SGCZ: variants seen among roughly 807,000 people sequenced by gnomAD.
The protein encoded by SGCZ is zeta-sarcoglycan.
Under a neutral mutation model 41.3 loss-of-function variants are expected in SGCZ, and 40 were observed. The observed-to-expected ratio is 0.97, with a 90% confidence interval of 0.75 to 1.26. The LOEUF (loss-of-function observed/expected upper bound fraction) is 1.26. Ranked by LOEUF, SGCZ falls within the 50% of genes most tolerant of loss-of-function variation. SGCZ has a pLI of 0.00. For synonymous variants in SGCZ, 206 were observed against 137.5 expected, an observed-to-expected ratio of 1.50 and a Z score of -3.49; for missense variants, 552 against 369.8, an observed-to-expected ratio of 1.49 and a Z score of -4.04.
chr8:15,040,170 A>G (rs1233983220), intron 1 of SGCZ, among the ~76,000 whole-genome samples: 1 of 152,218 alleles, frequency 6.6e-6, no homozygotes, highest in Non-Finnish European at 1.5e-5. Context: ...TACTCAACAA[A>G]TGTTTAAATA....
chr8:14,477,682 A>C (rs181430546), intron 2 of SGCZ, among the ~76,000 whole-genome samples: 162 of 152,222 alleles, frequency 1.1e-3, no homozygotes, highest in African/African-American at 3.8e-3. Context: ...TCTAAACATA[A>C]ATTTTTTGAA....
At chr8:14,897,809 A>T (rs752424454) in intron 1 of SGCZ, among the ~76,000 whole-genome samples, 28 of 152,190 alleles carry the variant, frequency 1.8e-4, no homozygotes, top group Admixed American at 3.3e-4. Context: ...ACAAACATCA[A>T]CTGTGAAGTC....
chr8:14,618,146 T>G (rs1806166593), intron 1 of SGCZ, among the ~76,000 whole-genome samples: 1 of 152,120 alleles, frequency 6.6e-6, no homozygotes, highest in Non-Finnish European at 1.5e-5. Flanking sequence ...TTAGAAAAAC[T>G]TGACAATAAA....
chr8:15,025,926 T>C (rs1301754785), intron 1 of SGCZ, among the ~76,000 whole-genome samples: 1 of 152,200 alleles, frequency 6.6e-6, no homozygotes, highest in Non-Finnish European at 1.5e-5. Context: ...GTAGCATATA[T>C]AAACTTTACC....
At chr8:14,693,267 C>A (rs2117576254) in intron 1 of SGCZ, among the ~76,000 whole-genome samples, 1 of 149,906 alleles carries the variant, frequency 6.7e-6, no homozygotes. Context: ...ATTTTACTTT[C>A]ATTTCAAAAA....
At chr8:14,143,003 A>C (rs1803416848) in intron 5 of SGCZ, among the ~76,000 whole-genome samples, 1 of 151,874 alleles carries the variant, frequency 6.6e-6, no homozygotes, top group African/African-American at 2.4e-5. Context: ...ATAAATTAAA[A>C]AAAAAAAAAG....
At chr8:14,860,801 G>T (rs1803721976) in intron 1 of SGCZ, among the ~76,000 whole-genome samples, 1 of 152,096 alleles carries the variant, frequency 6.6e-6, no homozygotes, top group Non-Finnish European at 1.5e-5. Context: ...CAGCTTCATG[G>T]GCTGTGACCA....
At chr8:14,234,269 G>A (rs1186735545) in intron 4 of SGCZ, among the ~76,000 whole-genome samples, 3 of 151,966 alleles carry the variant, frequency 2.0e-5, no homozygotes, top group Admixed American at 6.6e-5. Context: ...CAGTGAGTCA[G>A]GATTAGAATT....
At chr8:14,373,069 G>T (rs1246031729) in intron 2 of SGCZ, among the ~76,000 whole-genome samples, 1 of 152,120 alleles carries the variant, frequency 6.6e-6, no homozygotes, top group Non-Finnish European at 1.5e-5. Flanking sequence ...CAGTCAAGAG[G>T]CTTTTGCAAT....
In SGCZ at chr8:14,551,571, T is replaced by TATATATACATAAA. The variant is rs1803855792; in HGVS notation, c.234+3160_234+3161insTTTATGTATATAT. Among the ~76,000 whole-genome samples, 5 of 16,128 alleles carry TATATATACATAAA rather than the reference T, an allele frequency of 3.1e-4. 1 individual carries two copies. Among genetic ancestry groups the TATATATACATAAA allele is most frequent in the African/African-American group, 1.9e-3 (5 of 2,662 alleles). 10.6% of individuals were successfully genotyped at this position (16,128 alleles called of 152,430 possible). ...TATATAATATATATTATATATATAA[T>TATATATACATAAA]ATATATATAATATATATAATATATA... On this transcript the variant is annotated intron_variant, in intron 2 of 7. Coordinates refer to ENST00000382080, the MANE Select transcript of SGCZ (RefSeq NM_139167.4).
intron 5 of SGCZ, among the ~76,000 whole-genome samples, chr8:14,158,778 G>C (rs934302018): frequency 6.6e-6 from 1 of 152,074 alleles, no homozygotes; most frequent in Non-Finnish European, 1.5e-5. Flanking sequence ...TTCTATGTTT[G>C]CTTGTTTTGA....
At chr8:14,160,185 C>T (rs898586196) in intron 5 of SGCZ, among the ~76,000 whole-genome samples, 3 of 152,174 alleles carry the variant, frequency 2.0e-5, no homozygotes, top group Admixed American at 1.3e-4. Context: ...AAAAACAGGT[C>T]TAGATCTAAG....
intron 1 of SGCZ, among the ~76,000 whole-genome samples, chr8:15,074,787 C>T (rs1328772899): frequency 2.0e-5 from 3 of 152,194 alleles, no homozygotes; most frequent in African/African-American, 4.8e-5. Flanking sequence ...CATATTCATG[C>T]GTGGAATACA....
chr8:14,840,187 C>A (rs538586288), intron 1 of SGCZ, among the ~76,000 whole-genome samples: 1 of 152,100 alleles, frequency 6.6e-6, no homozygotes, highest in East Asian at 1.9e-4. Flanking sequence ...AAAGACAATT[C>A]CTGCTTAAGG....
intron 3 of SGCZ, among the ~76,000 whole-genome samples, chr8:14,312,482 T>C (rs1003570292): frequency 6.6e-6 from 1 of 152,122 alleles, no homozygotes; most frequent in Non-Finnish European, 1.5e-5. Context: ...TAAGAAATAA[T>C]ACTGTTGGTG....
Position 14,694,188 on chromosome 8 carries a change from C to T in SGCZ, c.40-139262G>A, listed in dbSNP as rs75790580. 3.9e-3 allele frequency among the ~76,000 whole-genome samples: 597 copies of T among 152,240 alleles called. 14 individuals are homozygous for T. Among genetic ancestry groups the T allele is most frequent in the Admixed American group, 0.03 (455 of 15,292 alleles). On this transcript the variant is annotated intron_variant, in intron 1 of 7. Coordinates refer to ENST00000382080, the MANE Select transcript of SGCZ (RefSeq NM_139167.4). ...ATAAGCACTCTCAGGGCAAAGGCAA[C>T]CTTCCTTGGTATCAAGTACTTTGGT...
chr8:14,136,905 G>A (rs984285512), intron 5 of SGCZ, among the ~76,000 whole-genome samples: 14 of 152,164 alleles, frequency 9.2e-5, no homozygotes, highest in African/African-American at 3.1e-4. Flanking sequence ...CAGAAGGGCC[G>A]ACTGACACCT....
intron 1 of SGCZ, among the ~76,000 whole-genome samples, chr8:14,605,101 C>T (rs549768247): frequency 4.6e-5 from 7 of 152,156 alleles, no homozygotes; most frequent in African/African-American, 7.2e-5. Flanking sequence ...TCCTGGCTCC[C>T]GTTAATTTGT....
At chr8:14,678,330 C>G (rs574117367) in intron 1 of SGCZ, among the ~76,000 whole-genome samples, 23 of 152,168 alleles carry the variant, frequency 1.5e-4, no homozygotes, top group Admixed American at 3.3e-4. Flanking sequence ...ATACAGAGAA[C>G]TCTTAAAATA....
Sources: gnomAD v4.1 joint callset for allele counts (sites outside exome capture counted in the v4.1 genomes callset) on GRCh38, gnomAD v4.1.1 for gene constraint, MANE v1.5 for transcripts, NCBI Gene and HGNC (gene_info 2026-07-23, HGNC 2026-07-21) for gene names.